Variants in CLOCK observed in about 807,000 individuals in gnomAD.
CLOCK encodes circadian locomoter output cycles protein kaput.
In CLOCK, 43 loss-of-function variants were observed where a neutral mutation model predicts 118.4. That is an observed-to-expected ratio of 0.36 (90% CI 0.28 to 0.47). The LOEUF (loss-of-function observed/expected upper bound fraction) is 0.47. Among genes scored for constraint, CLOCK ranks in the 20% least tolerant of loss-of-function variants. The pLI is 1.00. For synonymous variants in CLOCK, 326 were observed against 339.2 expected (o/e 0.96, Z 0.43); for missense variants, 846 against 999.9 (o/e 0.85, Z 2.08).
intron 2 of CLOCK, among the ~76,000 whole-genome samples, chr4:55,505,854 C>T (rs993999542): frequency 4.3e-5 from 6 of 139,810 alleles, no homozygotes; most frequent in Non-Finnish European, 9.5e-5. Flanking sequence ...TGTTGACCAA[C>T]TGTCAACATT....
At chr4:55,438,880 T>C (rs1225936043) in intron 21 of CLOCK, among the ~76,000 whole-genome samples, 1 of 152,168 alleles carries the variant, frequency 6.6e-6, no homozygotes, top group Non-Finnish European at 1.5e-5. Context: ...ATAAAACTCT[T>C]AGAAGAAAAC....
intron 7 of CLOCK, among the ~76,000 whole-genome samples, chr4:55,473,833 G>A (rs754117774): frequency 5.9e-5 from 9 of 151,680 alleles, no homozygotes; most frequent in African/African-American, 1.2e-4. Flanking sequence ...ATGGTGATTC[G>A]CCCACATAAG....
chr4:55,488,157 C>A (rs1461731286), intron 3 of CLOCK, among the ~76,000 whole-genome samples: 1 of 152,168 alleles, frequency 6.6e-6, no homozygotes, highest in African/African-American at 2.4e-5. Flanking sequence ...ATGTAGACGA[C>A]CACTTCTGCA....
chr4:55,459,092 A>G, intron 10 of CLOCK, 56 bp downstream of exon 10: 12 of 1,468,502 alleles, frequency 8.2e-6, no homozygotes, highest in Non-Finnish European at 4.8e-6. Flanking sequence ...TATGTCTTTA[A>G]GAGCACAGAA....
chr4:55,477,825 T>A lies in CLOCK; in HGVS notation c.256+990A>T, dbSNP rs1381882120. 3.3e-5 allele frequency among the ~76,000 whole-genome samples: 5 copies of A among 151,794 alleles called. No individual in the cohort carries two copies. The South Asian group carries it at 8.3e-4, about 25-fold the overall frequency. On this transcript the variant is annotated intron_variant, in intron 6 of 22. Transcript: ENST00000513440. ...AGAGGGTAGAAAGAGAGGAAAGAAG[T>A]TAGTTTCAGTTAGAAAAGGGGAGGA...
intron 1 of CLOCK, among the ~76,000 whole-genome samples, chr4:55,514,528 T>A (rs187328841): frequency 6.7e-6 from 1 of 149,304 alleles, no homozygotes; most frequent in East Asian, 2.1e-4. Flanking sequence ...GAGCTGTAGA[T>A]TTTTTTAATA....
intron 14 of CLOCK, 191 bp downstream of exon 14, chr4:55,453,486 T>C: frequency 2.0e-6 from 1 of 506,756 alleles, no homozygotes; most frequent in African/African-American, 2.1e-5. Flanking sequence ...TATCAAGACT[T>C]ATATATCTAT....
At chr4:55,513,124 C>T (rs1729270552) in intron 1 of CLOCK, among the ~76,000 whole-genome samples, 1 of 152,082 alleles carries the variant, frequency 6.6e-6, no homozygotes, top group African/African-American at 2.4e-5. Context: ...ACTGACTCAC[C>T]CTACGCAACT....
intron 5 of CLOCK, 152 bp downstream of exon 5, chr4:55,479,488 C>T: frequency 1.6e-6 from 1 of 643,500 alleles, no homozygotes; most frequent in Admixed American, 2.7e-5. Flanking sequence ...AATTTATAAA[C>T]TACATACCAA....
At position 55,444,639 on chromosome 4, in the gene CLOCK, C is replaced by A; in HGVS notation, c.1686G>T (p.Gly562=). ...ATTCAAATATAACAATTACCTGCAG[C>A]CCCTGACCATGGACCATCTGAAGTT... The part of the protein sequence containing the change: ...QEQLQMVHGQ[G]LQMFLQQSNP... The change falls in exon 19 of 23, where the codon GGG becomes GGT. Residue 562 remains glycine (G), a synonymous_variant. Coordinates refer to ENST00000513440, the MANE Select transcript of CLOCK (RefSeq NM_004898.4). 1 of 1,613,996 alleles carries A rather than the reference C, an allele frequency of 6.2e-7. No homozygotes were observed. Among genetic ancestry groups the A allele is most frequent in the Non-Finnish European group, 8.5e-7 (1 of 1,179,990 alleles).
intron 11 of CLOCK, 149 bp from the exon 12 acceptor site, chr4:55,456,449 G>C: frequency 1.9e-6 from 1 of 526,876 alleles, no homozygotes; most frequent in Non-Finnish European, 3.4e-6. Flanking sequence ...AATCACTTAG[G>C]TCAGGAGTTT....
chr4:55,494,446 G>A (rs779868135), intron 2 of CLOCK, among the ~76,000 whole-genome samples: 56 of 152,134 alleles, frequency 3.7e-4, no homozygotes, highest in African/African-American at 9.7e-4. Flanking sequence ...AAATAATCAC[G>A]TGAGTTCTTA....
In CLOCK at chr4:55,480,667, G is replaced by T. The variant is rs575891810; in HGVS notation, c.48-968C>A. 1.5e-3 allele frequency among the ~76,000 whole-genome samples: 227 copies of T among 152,266 alleles called. 2 individuals are homozygous for T. Among genetic ancestry groups the T allele is most frequent in the African/African-American group, 5.2e-3 (218 of 41,554 alleles). ...GCATTTTGGGAGGCCGAGGCGGGCG[G>T]ATCACGAGGTCCAGGAGATCGAGAC... On this transcript the variant is annotated intron_variant, in intron 4 of 22. Coordinates refer to ENST00000513440, the MANE Select transcript of CLOCK (RefSeq NM_004898.4).
At chr4:55,436,122 G>T (rs992744543) in intron 22 of CLOCK, among the ~76,000 whole-genome samples, 5 of 152,096 alleles carry the variant, frequency 3.3e-5, no homozygotes, top group Non-Finnish European at 5.9e-5. Context: ...ACTTCTCTGG[G>T]CCTCAGTTTC....
intron 1 of CLOCK, among the ~76,000 whole-genome samples, chr4:55,528,650 G>A (rs549135847): frequency 6.6e-6 from 1 of 150,802 alleles, no homozygotes; most frequent in South Asian, 2.1e-4. Flanking sequence ...AGAACTAAGC[G>A]AAGCACAGCC....
At chr4:55,536,925 C>A (rs1396582667) in intron 1 of CLOCK, among the ~76,000 whole-genome samples, 1 of 152,100 alleles carries the variant, frequency 6.6e-6, no homozygotes, top group East Asian at 1.9e-4. Context: ...AACACTCCAC[C>A]TAACAACAAA....
At position 55,432,374 on chromosome 4, in the gene CLOCK, G is replaced by T. The variant is rs1722573141; in HGVS notation, c.*3041C>A. 6.6e-6 allele frequency: 1 copy of T among 151,658 alleles called. No individual in the cohort carries two copies. Among genetic ancestry groups the T allele is most frequent in the African/African-American group, 2.4e-5 (1 of 41,304 alleles). 9.4% of individuals were successfully genotyped at this position (151,658 alleles called of 1,614,324 possible). ...GCAAGTCCAAAGCACGGTAACTGCAGAGTAGCTAGCATTTTTCCTGAAACT... is the reference window on the plus strand; with the variant it reads ...GCAAGTCCAAAGCACGGTAACTGCATAGTAGCTAGCATTTTTCCTGAAACT... On this transcript the variant is annotated 3_prime_UTR_variant, in exon 23 of 23. Transcript: ENST00000513440.
intron 7 of CLOCK, 120 bp from the exon 8 acceptor site, chr4:55,470,926 A>C (rs973493452): frequency 2.9e-6 from 2 of 698,676 alleles, no homozygotes; most frequent in Non-Finnish European, 2.5e-6. Context: ...TTCTGTCAAA[A>C]TATAATACTA....
chr4:55,546,746 G>T (rs1405798245), intron 1 of CLOCK, 36 bp downstream of exon 1: 1 of 151,600 alleles, frequency 6.6e-6, no homozygotes, highest in African/African-American at 2.4e-5. Flanking sequence ...ACCGGCACTC[G>T]GCAGGCCCTG....
Sources: gnomAD v4.1 joint callset for allele counts (sites outside exome capture counted in the v4.1 genomes callset) on GRCh38, gnomAD v4.1.1 for gene constraint, MANE v1.5 for transcripts, NCBI Gene and HGNC (gene_info 2026-07-23, HGNC 2026-07-21) for gene names.